Variants in MACROD2 observed in about 807,000 individuals in gnomAD.
MACROD2 encodes the protein mono-ADP ribosylhydrolase 2.
In MACROD2, 36 loss-of-function variants were observed where a neutral mutation model predicts 70.4. That is an observed-to-expected ratio of 0.51 (90% confidence interval 0.39 to 0.68). The LOEUF is 0.68. MACROD2 is among the 30% of genes least tolerant of loss of function. The probability of loss-of-function intolerance (pLI) is 0.00; values close to 1 mark genes in which losing one functional copy is unlikely to be tolerated. For synonymous variants in MACROD2, 172 were observed against 178.8 expected (o/e 0.96, Z 0.30); for missense variants, 496 against 538.4 (o/e 0.92, Z 0.78).
At chr20:14,696,275 C>G (rs1254784649) in intron 5 of MACROD2, among the ~76,000 whole-genome samples, 2 of 152,132 alleles carry the variant, frequency 1.3e-5, no homozygotes, top group Non-Finnish European at 2.9e-5. Flanking sequence ...AAACACACAA[C>G]TGGATATTAA....
intron 10 of MACROD2, among the ~76,000 whole-genome samples, chr20:15,918,559 T>C (rs2065354217): frequency 6.6e-6 from 1 of 152,210 alleles, no homozygotes; most frequent in Non-Finnish European, 1.5e-5. Flanking sequence ...TAGACACTTC[T>C]AGAAGCAAAA....
At chr20:15,593,090 G>A (rs935468473) in intron 8 of MACROD2, among the ~76,000 whole-genome samples, 11 of 152,112 alleles carry the variant, frequency 7.2e-5, no homozygotes, top group African/African-American at 2.2e-4. Context: ...GCAGTGTGGC[G>A]GTCCCTGGTA....
intron 5 of MACROD2, among the ~76,000 whole-genome samples, chr20:14,877,905 G>T (rs536302795): frequency 6.6e-6 from 1 of 152,058 alleles, no homozygotes; most frequent in East Asian, 1.9e-4. Flanking sequence ...TTGTGTCTAC[G>T]TTCATCAGGG....
At chr20:14,688,488 T>C (rs2071027680) in intron 5 of MACROD2, among the ~76,000 whole-genome samples, 1 of 152,198 alleles carries the variant, frequency 6.6e-6, no homozygotes, top group African/African-American at 2.4e-5. Flanking sequence ...TGATTTCTTT[T>C]TGACATTAAG....
chr20:14,505,965 A>T (rs2084964789), intron 4 of MACROD2, among the ~76,000 whole-genome samples: 1 of 152,170 alleles, frequency 6.6e-6, no homozygotes, highest in South Asian at 2.1e-4. Context: ...AAACTGCTGA[A>T]CTTCATAGTT....
At chr20:15,604,230 A>G (rs2048862766) in intron 8 of MACROD2, among the ~76,000 whole-genome samples, 1 of 152,262 alleles carries the variant, frequency 6.6e-6, no homozygotes, top group Admixed American at 6.5e-5. Context: ...CTCAGTGCAG[A>G]GGAGGAAGGA....
At chr20:14,615,350 G>A (rs1983414964) in intron 4 of MACROD2, among the ~76,000 whole-genome samples, 1 of 152,094 alleles carries the variant, frequency 6.6e-6, no homozygotes, top group Non-Finnish European at 1.5e-5. Flanking sequence ...CGAGTGGAGT[G>A]TCACCGCGTC....
intron 7 of MACROD2, among the ~76,000 whole-genome samples, chr20:15,495,256 C>T (rs916720073): frequency 2.6e-5 from 4 of 152,174 alleles, no homozygotes; most frequent in Non-Finnish European, 4.4e-5. Context: ...TTTATAACCC[C>T]GGAGGTCTTG....
In MACROD2 at chr20:14,707,645, C is replaced by T. The variant is rs539143240; in HGVS notation, c.418+22686C>T. On this transcript the variant is annotated intron_variant, in intron 5 of 17. Transcript: ENST00000684519. ...CGCCTACATCCGGGAATCTCTCATT[C>T]GGACTCAGCAAGATCATTTTTATTT... 4.6e-5 allele frequency among the ~76,000 whole-genome samples: 7 copies of T among 152,246 alleles called. No individual in the cohort carries two copies. In the South Asian group the frequency reaches 1.5e-3, roughly 32 times the overall value.
At chr20:14,355,336 G>A (rs898170001) in intron 3 of MACROD2, among the ~76,000 whole-genome samples, 1 of 152,166 alleles carries the variant, frequency 6.6e-6, no homozygotes, top group African/African-American at 2.4e-5. Flanking sequence ...TTATGACTCT[G>A]ACTAGGAGTG....
chr20:16,033,800 G>T (rs975849228), intron 15 of MACROD2, among the ~76,000 whole-genome samples: 4 of 148,908 alleles, frequency 2.7e-5, no homozygotes, highest in Non-Finnish European at 5.9e-5. Context: ...TGACACCTCT[G>T]AGAAAGATAG....
In MACROD2 at chr20:14,778,402, C is replaced by A. The variant is rs1346391649; in HGVS notation, c.418+93443C>A. 3.3e-5 allele frequency among the ~76,000 whole-genome samples: 5 copies of A among 152,026 alleles called. No homozygotes were observed. In the East Asian group the frequency reaches 9.7e-4, roughly 29 times the overall value. On this transcript the variant is annotated intron_variant, in intron 5 of 17. Coordinates refer to ENST00000684519, the MANE Select transcript of MACROD2 (RefSeq NM_001351661.2). Reference sequence around the variant, plus strand: ...CTCCGTGCCTTTGTTGTCCCCTCACCTCATGTCTGTATTCATCTCTGTTCC... The same window carrying A: ...CTCCGTGCCTTTGTTGTCCCCTCACATCATGTCTGTATTCATCTCTGTTCC...
chr20:14,566,729 A>G (rs989560434), intron 4 of MACROD2: 7 of 151,964 alleles, frequency 4.6e-5, no homozygotes, highest in Non-Finnish European at 8.8e-5. Context: ...GCAATTACTC[A>G]TGATGTAACA....
chr20:15,409,494 G>C (rs1265571846), intron 6 of MACROD2, among the ~76,000 whole-genome samples: 1 of 152,212 alleles, frequency 6.6e-6, no homozygotes, highest in Admixed American at 6.5e-5. Context: ...AGAGGATAAA[G>C]ATGGTTTGAA....
chr20:15,378,335 C>T (rs2045594026), intron 6 of MACROD2, among the ~76,000 whole-genome samples: 1 of 146,232 alleles, frequency 6.8e-6, no homozygotes, highest in Admixed American at 6.9e-5. Flanking sequence ...GGTAGAGAGA[C>T]CCAGTAGAGG....
At position 14,527,267 on chromosome 20, in the gene MACROD2, C is replaced by T. The variant is rs533090797; in HGVS notation, c.301+33759C>T. ...CTTCTGTGTTTGCCTGCTAGGGTCT[C>T]GCAGGTTTTCGTAGGCACACGATGG... On this transcript the variant is annotated intron_variant, in intron 4 of 17. Coordinates refer to ENST00000684519, the MANE Select transcript of MACROD2 (RefSeq NM_001351661.2). Among the ~76,000 whole-genome samples the T allele has an allele frequency of 1.5e-4, 23 of 152,168 alleles. 1 individual carries two copies. Among genetic ancestry groups the T allele is most frequent in the Admixed American group, 1.1e-3 (17 of 15,300 alleles).
intron 4 of MACROD2, among the ~76,000 whole-genome samples, chr20:14,638,949 CAA>C (rs11480800): frequency 2.3e-4 from 20 of 87,520 alleles, no homozygotes; most frequent in Non-Finnish European, 3.0e-4. Flanking sequence ...GACTATGTCT[CAA>C]AAAAAAAAAA....
intron 7 of MACROD2, among the ~76,000 whole-genome samples, chr20:15,452,690 C>G (rs2046659573): frequency 6.6e-6 from 1 of 152,150 alleles, no homozygotes; most frequent in South Asian, 2.1e-4. Context: ...ATTCACGGCT[C>G]TGCCATCTGG....
chr20:14,272,225 T>C (rs1397009452), intron 3 of MACROD2, among the ~76,000 whole-genome samples: 12 of 151,568 alleles, frequency 7.9e-5, no homozygotes, highest in Middle Eastern at 3.4e-3. Flanking sequence ...AAGGAAAAAA[T>C]GTTAAAGGCA....
Sources: allele counts gnomAD v4.1 joint callset (sites outside exome capture counted in the v4.1 genomes callset), GRCh38; gene constraint gnomAD v4.1.1; transcripts MANE v1.5; gene names NCBI Gene and HGNC (gene_info 2026-07-23, HGNC 2026-07-21).